Variants in OTUD7A observed in about 807,000 individuals in gnomAD.
OTUD7A encodes OTU deubiquitinase 7A, also known as OTU domain-containing protein 7A.
OTUD7A carries 12 observed loss-of-function variants against 65.7 expected under a neutral mutation model. The ratio of observed to expected loss-of-function variants is 0.18; its 90% CI spans 0.12 to 0.30. The LOEUF (loss-of-function observed/expected upper bound fraction) is 0.30, where lower values mean the gene tolerates loss of function less well. OTUD7A is among the 10% of genes least tolerant of loss of function. The pLI, the probability that OTUD7A is intolerant of heterozygous loss-of-function variation, is 1.00. For missense variants in OTUD7A, 1,148 were observed against 1,304.8 expected (o/e 0.88, Z 1.85); for synonymous variants, 641 against 586.3 (o/e 1.09, Z -1.35).
rs563148705 is a variant in OTUD7A at position 31,815,295 on chromosome 15, C to A, written c.-100+55212G>T. Among the ~76,000 whole-genome samples, 3 of 152,324 alleles carry A rather than the reference C, an allele frequency of 2.0e-5. No individual in the cohort carries two copies. In the South Asian group the frequency reaches 6.2e-4, roughly 32 times the overall value. ...AGAAAGCAACATGCCCAAGTGGACA[C>A]TGAATCAGAGGGCTCCCAGCAGAAT... On this transcript the variant is annotated intron_variant, in intron 1 of 12. Transcript: ENST00000307050.
intron 1 of OTUD7A, among the ~76,000 whole-genome samples, chr15:31,858,048 GCA>G (rs1178586811): frequency 1.3e-5 from 2 of 152,186 alleles, no homozygotes; most frequent in East Asian, 3.8e-4. Flanking sequence ...CTGTGTCGTG[GCA>G]CTGTTGTCTT....
chr15:31,568,341 T>C (rs892233867), intron 4 of OTUD7A, among the ~76,000 whole-genome samples: 5 of 152,252 alleles, frequency 3.3e-5, no homozygotes, highest in African/African-American at 1.2e-4. Flanking sequence ...CCTGCTGGGT[T>C]TTGAACTTGT....
chr15:31,845,306 G>T (rs1897271987), intron 1 of OTUD7A, among the ~76,000 whole-genome samples: 1 of 152,158 alleles, frequency 6.6e-6, no homozygotes, highest in Admixed American at 6.5e-5. Context: ...TCAAGGGGAG[G>T]AGAATTGAAA....
At chr15:31,575,483 A>T (rs1214821908) in intron 3 of OTUD7A, among the ~76,000 whole-genome samples, 2 of 152,204 alleles carry the variant, frequency 1.3e-5, no homozygotes, top group East Asian at 3.8e-4. Flanking sequence ...CGTACCATAA[A>T]CAGCAGGAGT....
At chr15:31,673,945 C>A (rs3874385) in intron 1 of OTUD7A, among the ~76,000 whole-genome samples, 26 of 152,024 alleles carry the variant, frequency 1.7e-4, no homozygotes, top group South Asian at 6.2e-4. Context: ...TGGAATATAC[C>A]GGATAATAAG....
rs59016469 is a variant in OTUD7A at position 31,768,097 on chromosome 15, T to G, written c.-100+102410A>C. The stretch of plus-strand genomic sequence containing the variant: ...AACAATTGCCATATTTTTTAAAGTG[T>G]TGTCTGTGTTTTCTTAGAGGCATTC... On this transcript the variant is annotated intron_variant, in intron 1 of 12. Coordinates refer to ENST00000307050, the MANE Select transcript of OTUD7A (RefSeq NM_001382637.1). 8.9e-3 allele frequency: 14,207 copies of G among 1,598,104 alleles called. 1,095 individuals are homozygous for G. In the African/African-American group the frequency reaches 0.17, roughly 19 times the overall value.
intron 1 of OTUD7A, among the ~76,000 whole-genome samples, chr15:31,677,942 G>C (rs1892629491): frequency 6.6e-6 from 1 of 152,238 alleles, no homozygotes; most frequent in Admixed American, 6.5e-5. Context: ...TAGACTTGCT[G>C]AGTGGCTTTG....
chr15:31,682,320 C>T (rs1406732768), intron 1 of OTUD7A, among the ~76,000 whole-genome samples: 1 of 152,196 alleles, frequency 6.6e-6, no homozygotes, highest in Non-Finnish European at 1.5e-5. Flanking sequence ...TATAGTCACA[C>T]TGATCTATAA....
At chr15:31,681,926 A>G (rs73376570) in intron 1 of OTUD7A, among the ~76,000 whole-genome samples, 1 of 151,996 alleles carries the variant, frequency 6.6e-6, no homozygotes, top group South Asian at 2.1e-4. Flanking sequence ...CAAATTAATG[A>G]GGCAGTTATA....
At chr15:31,867,943 G>A (rs890048596) in intron 1 of OTUD7A, among the ~76,000 whole-genome samples, 1 of 152,148 alleles carries the variant, frequency 6.6e-6, no homozygotes, top group African/African-American at 2.4e-5. Flanking sequence ...GCACACCGGC[G>A]CACACACATG....
chr15:31,787,756 T>A (rs17684549), intron 1 of OTUD7A: 3 of 152,052 alleles, frequency 2.0e-5, no homozygotes, highest in Admixed American at 2.0e-4. Context: ...ATATGTATCA[T>A]AGAATTCATA....
chr15:31,618,874 C>A (rs1279236406), intron 3 of OTUD7A, among the ~76,000 whole-genome samples: 1 of 152,074 alleles, frequency 6.6e-6, no homozygotes, highest in Non-Finnish European at 1.5e-5. Context: ...AATGGTATTG[C>A]CTAGGTTTTC....
chr15:31,574,964 A>G (rs559048443), intron 3 of OTUD7A, among the ~76,000 whole-genome samples: 1 of 152,230 alleles, frequency 6.6e-6, no homozygotes, highest in South Asian at 2.1e-4. Flanking sequence ...CAACCAGCTT[A>G]GCCTGCTTGC....
chr15:31,493,656 T>C (rs1273827897), intron 10 of OTUD7A, among the ~76,000 whole-genome samples: 4 of 152,224 alleles, frequency 2.6e-5, no homozygotes, highest in Admixed American at 2.6e-4. Flanking sequence ...ACAGAAATCA[T>C]GATGTTTGTG....
chr15:31,487,644 G>C lies in OTUD7A; in HGVS notation c.1172-78C>G. ...GATGGCAAGGAAATTCCCAAGCCAG[G>C]TATCTGGGTGACAAATGCACCGAGT... On this transcript the variant is annotated intron_variant, in intron 10 of 12. Transcript: ENST00000307050. This position sits in a 1 kb window ranked among gnomAD's most constrained non-coding sequence, Gnocchi z 6.0. 8.6e-7 allele frequency: 1 copy of C among 1,163,372 alleles called. No homozygotes were observed. Among genetic ancestry groups the C allele is most frequent in the Non-Finnish European group, 1.2e-6 (1 of 817,542 alleles). 72.1% of individuals were successfully genotyped at this position (1,163,372 alleles called of 1,614,324 possible). A position where few individuals can be genotyped will look rare whatever the true frequency, so the allele number is the denominator to read the frequency against.
intron 1 of OTUD7A, among the ~76,000 whole-genome samples, chr15:31,658,155 A>G (rs1363295027): frequency 2.6e-5 from 4 of 152,130 alleles, no homozygotes. Context: ...CATCAATACA[A>G]TTATAATAAT....
chr15:31,800,731 T>C (rs1244175451), intron 1 of OTUD7A, among the ~76,000 whole-genome samples: 2 of 152,212 alleles, frequency 1.3e-5, no homozygotes, highest in Non-Finnish European at 2.9e-5. Context: ...AAGGTGATAC[T>C]GCACCTAGTT....
At chr15:31,766,574 T>C in intron 1 of OTUD7A, 1 of 1,613,172 alleles carries the variant, frequency 6.2e-7, no homozygotes, top group Non-Finnish European at 8.5e-7. Flanking sequence ...GTCCAACATT[T>C]GGTTTCATGG....
intron 3 of OTUD7A, among the ~76,000 whole-genome samples, chr15:31,637,059 A>G (rs182080292): frequency 5.4e-4 from 83 of 152,356 alleles, no homozygotes; most frequent in African/African-American, 1.9e-3. Flanking sequence ...TAGAAGATCT[A>G]GCTAACATCG....
Sources: gnomAD v4.1 joint callset for allele counts (sites outside exome capture counted in the v4.1 genomes callset) on GRCh38, gnomAD v4.1.1 for gene constraint, Gnocchi (gnomAD v3.1) non-coding constraint, MANE v1.5 for transcripts, NCBI Gene and HGNC (gene_info 2026-07-23, HGNC 2026-07-21) for gene names.